RBM33: variants seen among roughly 807,000 people sequenced by gnomAD.
RBM33 encodes RNA-binding protein 33.
A neutral mutation model predicts 132.6 loss-of-function variants in RBM33; 28 were observed. The observed-to-expected ratio is 0.21, with a 90% CI of 0.16 to 0.29. The LOEUF (loss-of-function observed/expected upper bound fraction) is 0.29, where lower values mean the gene tolerates loss of function less well. Among genes scored for constraint, RBM33 ranks in the 10% least tolerant of loss-of-function variants. The pLI is 1.00. For synonymous variants in RBM33, 634 were observed against 593.0 expected (o/e 1.07, Z -1.01); for missense variants, 1,291 against 1,518.5 (o/e 0.85, Z 2.49).
At chr7:155,750,731 G>GTTT (rs34083810) in intron 14 of RBM33, among the ~76,000 whole-genome samples, 3 of 141,148 alleles carry the variant, frequency 2.1e-5, no homozygotes, top group Non-Finnish European at 3.1e-5. Context: ...AAAGAAAATG[G>GTTT]TTTTTTTTTT....
Position 155,774,976 on chromosome 7 carries a change from T to C in RBM33, c.3465-17T>C, listed in dbSNP as rs200047870. The C allele has an allele frequency of 6.2e-7, 1 of 1,613,420 alleles. No homozygotes were observed. The highest frequency in any genetic ancestry group is 2.2e-5 in the East Asian group (1 of 44,884). On this transcript the variant is annotated splice_polypyrimidine_tract_variant and intron_variant, in intron 17 of 17. Coordinates refer to ENST00000401878, the MANE Select transcript of RBM33 (RefSeq NM_053043.3). The surrounding 1 kb of genome is among the most constrained non-coding windows in gnomAD (Gnocchi z 4.2). The stretch of plus-strand genomic sequence containing the variant: ...ATGTGCAGGGTTAGTGTCGATCGTT[T>C]CTTTAAATTTTCACAGGCATATGAT...
intron 5 of RBM33, among the ~76,000 whole-genome samples, chr7:155,691,460 C>T (rs1291142390): frequency 2.6e-5 from 4 of 152,102 alleles, no homozygotes; most frequent in African/African-American, 4.8e-5. Context: ...AGTTGGAAAA[C>T]TAATTTTATT....
At chr7:155,727,178 C>G (rs1343190123) in intron 9 of RBM33, among the ~76,000 whole-genome samples, 2 of 152,158 alleles carry the variant, frequency 1.3e-5, no homozygotes, top group East Asian at 3.9e-4. Context: ...TACCCATCAC[C>G]TAATGCATTT....
In RBM33 at chr7:155,766,461, C is replaced by CA; in HGVS notation, c.3187-5dup. Reference sequence around the variant, plus strand: ...ACTCTGAATGTATTTCCTTTGTTGTCACCAGGCCATCATGCACGGACGAGG... The same window carrying CA: ...ACTCTGAATGTATTTCCTTTGTTGTCAACCAGGCCATCATGCACGGACGAGG... On this transcript the variant is annotated splice_region_variant and splice_polypyrimidine_tract_variant and intron_variant, in intron 15 of 17. Transcript: ENST00000401878. The CA allele has an allele frequency of 6.2e-7, 1 of 1,612,862 alleles. No homozygotes were observed. The highest frequency in any genetic ancestry group is 8.5e-7 in the Non-Finnish European group (1 of 1,179,716).
chr7:155,726,448 A>G (rs572555723), intron 9 of RBM33, among the ~76,000 whole-genome samples: 1 of 152,298 alleles, frequency 6.6e-6, no homozygotes, highest in African/African-American at 2.4e-5. Context: ...AGATGCAGAA[A>G]AGTGAAAGTA....
In RBM33 at chr7:155,745,688, GAATT is replaced by G; in HGVS notation, c.2979+89_2979+92del. On this transcript the variant is annotated intron_variant, in intron 14 of 17. Coordinates refer to ENST00000401878, the MANE Select transcript of RBM33 (RefSeq NM_053043.3). The surrounding 1 kb of genome is among the most constrained non-coding windows in gnomAD (Gnocchi z 4.1). ...TTTGCAGAGAATGTTTTTGAAGAAA[GAATT>G]AAAAGTTACCTCTGTTATAGTCTTG... 1.5e-6 allele frequency: 2 copies of G among 1,299,408 alleles called. No homozygotes were observed. The highest frequency in any genetic ancestry group is 2.1e-6 in the Non-Finnish European group (2 of 961,180). The allele number at this position is 1,299,408 out of a possible 1,614,324, so 80.5% of individuals were successfully genotyped here. A position where few individuals can be genotyped will look rare whatever the true frequency, so the allele number is the denominator to read the frequency against.
chr7:155,718,537 A>G (rs1172499903), intron 9 of RBM33, 94 bp downstream of exon 9: 5 of 1,057,608 alleles, frequency 4.7e-6, no homozygotes, highest in Admixed American at 1.9e-5. Flanking sequence ...CCAGCCAAAT[A>G]TAATTTTAAG....
intron 13 of RBM33, among the ~76,000 whole-genome samples, chr7:155,744,482 A>G (rs1223528796): frequency 6.6e-6 from 1 of 152,200 alleles, no homozygotes; most frequent in African/African-American, 2.4e-5. Context: ...CATTATAACC[A>G]ATTATTCTGT....
rs566885222 is a variant in RBM33, at chr7:155,745,882, A to G, written c.2979+280A>G. ...CTGCTGCACACCTAGGCTATATGGT[A>G]CAGCCTGTTGCTCCCTGGCCACAAG... On this transcript the variant is annotated intron_variant, in intron 14 of 17. Coordinates refer to ENST00000401878, the MANE Select transcript of RBM33 (RefSeq NM_053043.3). This position sits in a 1 kb window ranked among gnomAD's most constrained non-coding sequence, Gnocchi z 4.1. Among the ~76,000 whole-genome samples, 18 of 152,314 alleles carry G rather than the reference A, an allele frequency of 1.2e-4. No individual in the cohort carries two copies. Among genetic ancestry groups the G allele is most frequent in the Non-Finnish European group, 2.4e-4 (16 of 68,008 alleles).
At position 155,644,844 on chromosome 7, in the gene RBM33, G is replaced by T; in HGVS notation, c.-33G>T. 6.8e-7 allele frequency: 1 copy of T among 1,471,996 alleles called. No homozygotes were observed. The highest frequency in any genetic ancestry group is 9.0e-7 in the Non-Finnish European group (1 of 1,115,214). The allele number at this position is 1,471,996 out of a possible 1,614,324, so 91.2% of individuals were successfully genotyped here. ...ACGTCGGCCCACCAGCTGGCTTGGT[G>T]GGGGAGGCTGAAGGCCGGGCCCCGC... On this transcript the variant is annotated 5_prime_UTR_variant, in exon 1 of 18. Transcript: ENST00000401878.
chr7:155,770,237 T>C (rs1488938844), intron 16 of RBM33, among the ~76,000 whole-genome samples: 1 of 152,226 alleles, frequency 6.6e-6, no homozygotes. Context: ...GAAAACTCGG[T>C]GCGGGCTGGA....
At chr7:155,771,917 T>A (rs1342148203) in intron 16 of RBM33, among the ~76,000 whole-genome samples, 1 of 152,166 alleles carries the variant, frequency 6.6e-6, no homozygotes, top group Non-Finnish European at 1.5e-5. Context: ...TTTTTGATTT[T>A]TTTTTGTGGA....
At chr7:155,727,925 G>A (rs1800839445) in intron 9 of RBM33, among the ~76,000 whole-genome samples, 1 of 142,412 alleles carries the variant, frequency 7.0e-6, no homozygotes, top group Non-Finnish European at 1.5e-5. Flanking sequence ...CACCATGCCT[G>A]GCTAATTTTT....
At chr7:155,673,714 A>ATATATATACACACATATATACATACGTG (rs1799052551) in intron 3 of RBM33, among the ~76,000 whole-genome samples, 1 of 145,516 alleles carries the variant, frequency 6.9e-6, no homozygotes, top group African/African-American at 2.6e-5. Context: ...ACACACGTGT[A>ATATATATACACACATATATACATACGTG]TATATATACA....
chr7:155,692,131 A>C lies in RBM33; in HGVS notation c.568-8642A>C, dbSNP rs190724339. Among the ~76,000 whole-genome samples the C allele has an allele frequency of 1.3e-3, 200 of 152,088 alleles. 1 individual carries two copies. The highest frequency in any genetic ancestry group is 9.7e-4 in the Non-Finnish European group (66 of 67,980). ...GGGGAGGAGGGAGAAAAAGAAGGAC[A>C]AATAATGTGGGACAGTAATTCAGGA... is the stretch of plus-strand genomic sequence containing the variant. On this transcript the variant is annotated intron_variant, in intron 5 of 17. Transcript: ENST00000401878.
chr7:155,721,922 G>A (rs1272302442), intron 9 of RBM33, among the ~76,000 whole-genome samples: 2 of 152,082 alleles, frequency 1.3e-5, no homozygotes, highest in African/African-American at 2.4e-5. Context: ...TTAAGAAAAG[G>A]ATCCTTGTTT....
At chr7:155,737,227 C>CA (rs1313121442) in intron 9 of RBM33, among the ~76,000 whole-genome samples, 16 of 150,064 alleles carry the variant, frequency 1.1e-4, no homozygotes, top group Admixed American at 2.0e-4. Flanking sequence ...GTGTAGAAAG[C>CA]GCTACCATCT....
At chr7:155,720,909 A>C (rs1800603127) in intron 9 of RBM33, among the ~76,000 whole-genome samples, 1 of 152,216 alleles carries the variant, frequency 6.6e-6, no homozygotes, top group South Asian at 2.1e-4. Context: ...ACGCACACAC[A>C]AAGTGATGGA....
intron 8 of RBM33, among the ~76,000 whole-genome samples, chr7:155,717,540 C>T (rs368113519): frequency 3.4e-5 from 1 of 29,350 alleles, no homozygotes; most frequent in African/African-American, 1.5e-4. Flanking sequence ...GGTGTGGGGG[C>T]GGGGGGAGGG....
Sources: allele counts gnomAD v4.1 joint callset (sites outside exome capture counted in the v4.1 genomes callset), GRCh38; gene constraint gnomAD v4.1.1; non-coding constraint Gnocchi (gnomAD v3.1); transcripts MANE v1.5; gene names NCBI Gene and HGNC (gene_info 2026-07-23, HGNC 2026-07-21).